Variants in NNMT observed in about 807,000 individuals in gnomAD.
NNMT encodes nicotinamide N-methyltransferase.
Under a neutral mutation model 11.7 loss-of-function variants are expected in NNMT, and 10 were observed. The observed-to-expected ratio is 0.85, with a 90% CI of 0.53 to 1.45. The LOEUF (loss-of-function observed/expected upper bound fraction) is 1.45, where lower values mean the gene tolerates loss of function less well. NNMT is among the 40% of genes most tolerant of loss of function. NNMT has a pLI of 0.00. For missense variants in NNMT, 381 were observed against 319.4 expected (o/e 1.19, Z -1.47); for synonymous variants, 143 against 133.8 (o/e 1.07, Z -0.48).
chr11:114,285,074 C>T (rs936102025), intron 2 of NNMT, among the ~76,000 whole-genome samples: 14 of 152,148 alleles, frequency 9.2e-5, no homozygotes, highest in Non-Finnish European at 1.8e-4. Context: ...TGTCTTTTCT[C>T]CCATCACGCT....
chr11:114,293,162 T>C (rs1945346916), upstream of NNMT, among the ~76,000 whole-genome samples: 1 of 152,028 alleles, frequency 6.6e-6, no homozygotes, highest in African/African-American at 2.4e-5. Context: ...AAGCAGGGAG[T>C]GTCTGTGCTC....
chr11:114,286,602 T>C (rs868631480), intron 2 of NNMT, among the ~76,000 whole-genome samples: 4 of 152,264 alleles, frequency 2.6e-5, no homozygotes, highest in Admixed American at 6.5e-5. Flanking sequence ...TCTTTCGCCC[T>C]ACATCATTTG....
rs184778691 is a variant in NNMT, at chr11:114,277,057, C to G, written c.-130+14123C>G. Among the ~76,000 whole-genome samples the G allele has an allele frequency of 2.2e-3, 336 of 152,222 alleles. 3 individuals are homozygous for G. Among genetic ancestry groups the G allele is most frequent in the African/African-American group, 7.7e-3 (321 of 41,524 alleles). Reference sequence around the variant, plus strand: ...TGGTCAACATGGTGAAACCCCATCTCTACAAAATACACAAAAATTAGCTGG... The same window carrying G: ...TGGTCAACATGGTGAAACCCCATCTGTACAAAATACACAAAAATTAGCTGG... On this transcript the variant is annotated intron_variant, in intron 2 of 4. Transcript: ENST00000535401.
intron 2 of NNMT, among the ~76,000 whole-genome samples, chr11:114,277,829 T>G (rs1158545921): frequency 6.6e-6 from 1 of 152,188 alleles, no homozygotes; most frequent in Admixed American, 6.5e-5. Context: ...TGGAGTACTC[T>G]GTAAAGCTCA....
chr11:114,303,768 G>T (rs374856461), intron 2 of NNMT, among the ~76,000 whole-genome samples: 2 of 152,100 alleles, frequency 1.3e-5, no homozygotes, highest in East Asian at 3.9e-4. Flanking sequence ...CCACACTGGG[G>T]TGCAGTGGTG....
At position 114,308,078 on chromosome 11, in the gene NNMT, T is replaced by C. The variant is rs79500321; in HGVS notation, c.363-3967T>C. 7.7e-3 allele frequency among the ~76,000 whole-genome samples: 1,166 copies of C among 152,238 alleles called. 15 individuals carry two copies. Among genetic ancestry groups the C allele is most frequent in the African/African-American group, 0.027 (1,124 of 41,528 alleles). On this transcript the variant is annotated intron_variant, in intron 2 of 2. Coordinates refer to ENST00000299964, the MANE Select transcript of NNMT (RefSeq NM_006169.3). ...CCTTGTGTCCCCAGTGCCCAGCCTA[T>C]TTCCTGAACATAGTAGAGGTTCAAA... is the stretch of plus-strand genomic sequence containing the variant.
At chr11:114,302,668 A>G (rs1945449670) in intron 2 of NNMT, among the ~76,000 whole-genome samples, 1 of 152,192 alleles carries the variant, frequency 6.6e-6, no homozygotes. Flanking sequence ...ATAAGTCAGT[A>G]TACAGTTTTA....
At chr11:114,267,399 G>A (rs1945130506) in intron 2 of NNMT, among the ~76,000 whole-genome samples, 1 of 152,118 alleles carries the variant, frequency 6.6e-6, no homozygotes, top group South Asian at 2.1e-4. Context: ...CCCTGTGAGA[G>A]CCAGGGCCTT....
At chr11:114,259,021 A>G (rs1461173495) in intron 1 of NNMT, among the ~76,000 whole-genome samples, 4 of 152,212 alleles carry the variant, frequency 2.6e-5, no homozygotes, top group Non-Finnish European at 4.4e-5. Context: ...AATTAGGCAT[A>G]GAGTCTCTAT....
chr11:114,309,579 ATCTC>A (rs66809545), intron 2 of NNMT, among the ~76,000 whole-genome samples: 4,121 of 151,232 alleles, frequency 0.027, 102 homozygotes, highest in East Asian at 0.087. Context: ...TGCTAAGCTC[ATCTC>A]TCTCTCTCTC....
chr11:114,298,612 G>T (rs981984137), intron 2 of NNMT, among the ~76,000 whole-genome samples: 4 of 152,170 alleles, frequency 2.6e-5, no homozygotes, highest in African/African-American at 9.7e-5. Flanking sequence ...TGTGAGTGTG[G>T]CTAATGCTGA....
chr11:114,284,497 A>G (rs939832241), intron 2 of NNMT, among the ~76,000 whole-genome samples: 1 of 151,956 alleles, frequency 6.6e-6, no homozygotes, highest in African/African-American at 2.4e-5. Context: ...CTTGAGATGG[A>G]GTCTTGTCCA....
At chr11:114,267,043 TC>T (rs1278713838) in intron 2 of NNMT, among the ~76,000 whole-genome samples, 2 of 152,170 alleles carry the variant, frequency 1.3e-5, no homozygotes, top group Non-Finnish European at 2.9e-5. Context: ...GGTAGGCAAA[TC>T]ATCTGAGGTC....
Position 114,296,443 on chromosome 11 carries a change from G to A in NNMT, c.-114G>A, listed in dbSNP as rs1294351925. On this transcript the variant is annotated 5_prime_UTR_variant, in exon 1 of 3. It removes an upstream start codon present in the reference 5' UTR. Transcript: ENST00000299964. ...GTTCTAAAAGAAGGGCTGAACTGAT[G>A]GAAGGAATGCTGTTAGCCTGAGACT... 1 of 1,061,940 alleles carries A rather than the reference G, an allele frequency of 9.4e-7. No homozygotes were observed. The highest frequency in any genetic ancestry group is 1.6e-5 in the African/African-American group (1 of 63,016). 65.8% of individuals were successfully genotyped at this position (1,061,940 alleles called of 1,614,324 possible).
Position 114,258,337 on chromosome 11 carries a change from T to C in NNMT, c.-217+459T>C, listed in dbSNP as rs529301466. Among the ~76,000 whole-genome samples the C allele has an allele frequency of 7.2e-5, 11 of 152,358 alleles. No individual in the cohort carries two copies. In the South Asian group the frequency reaches 2.3e-3, roughly 32 times the overall value. On this transcript the variant is annotated intron_variant, in intron 1 of 4. Coordinates refer to the NNMT transcript ENST00000535401. ...CCTTAGCAGCTCTCCTCCCAGTCGC[T>C]CTGAGGAACTCCTCTCCTGACCAAA...
At chr11:114,259,706 C>A (rs114138581) in intron 1 of NNMT, among the ~76,000 whole-genome samples, 3 of 151,708 alleles carry the variant, frequency 2.0e-5, no homozygotes, top group Non-Finnish European at 4.4e-5. Context: ...AAAGTGAACT[C>A]GCTCATTTAA....
chr11:114,271,420 A>T (rs1405799915), intron 2 of NNMT, among the ~76,000 whole-genome samples: 1 of 152,200 alleles, frequency 6.6e-6, no homozygotes, highest in African/African-American at 2.4e-5. Context: ...AATGACTGAG[A>T]TTTAATGTCT....
chr11:114,284,014 A>G (rs1045008074), intron 2 of NNMT, among the ~76,000 whole-genome samples: 3 of 152,240 alleles, frequency 2.0e-5, no homozygotes, highest in African/African-American at 7.2e-5. Flanking sequence ...AGAAAAATCA[A>G]TGGAACAGAG....
upstream of NNMT, among the ~76,000 whole-genome samples, chr11:114,292,148 A>G (rs907406549): frequency 2.0e-5 from 3 of 151,978 alleles, no homozygotes; most frequent in African/African-American, 7.3e-5. Context: ...CTTCCTATTT[A>G]CAAATCTATT....
Sources: gnomAD v4.1 joint callset for allele counts (sites outside exome capture counted in the v4.1 genomes callset) on GRCh38, gnomAD v4.1.1 for gene constraint, MANE v1.5 for transcripts, NCBI Gene and HGNC (gene_info 2026-07-23, HGNC 2026-07-21) for gene names.